Variants in DNAJB1 observed in about 807,000 individuals in gnomAD.
The protein encoded by DNAJB1 is dnaJ homolog subfamily B member 1.
DNAJB1 carries 14 observed loss-of-function variants against 24.0 expected under a neutral mutation model. The ratio of observed to expected loss-of-function variants is 0.58; its 90% CI spans 0.39 to 0.91. The LOEUF (loss-of-function observed/expected upper bound fraction) is 0.91, where lower values mean the gene tolerates loss of function less well. DNAJB1 is among the 40% of genes least tolerant of loss of function. The probability of loss-of-function intolerance (pLI) is 0.00; values close to 1 mark genes in which losing one functional copy is unlikely to be tolerated. For missense variants in DNAJB1, 517 were observed against 458.1 expected, an observed-to-expected ratio of 1.13 and a Z score of -1.17; for synonymous variants, 262 against 174.4, an observed-to-expected ratio of 1.50 and a Z score of -3.96.
upstream of DNAJB1, chr19:14,529,809 G>T: frequency 6.4e-7 from 1 of 1,570,644 alleles, no homozygotes; most frequent in Non-Finnish European, 8.7e-7. Context: ...CCTGTGCCCC[G>T]AAGGAAGAGC....
intron 1 of DNAJB1, 61 bp downstream of exon 1, chr19:14,518,078 C>A (rs1450754152): frequency 7.3e-7 from 1 of 1,371,490 alleles, no homozygotes; most frequent in Non-Finnish European, 9.4e-7. Flanking sequence ...GAGGGGCCAG[C>A]GTGCCTCAGT....
chr19:14,527,165 CTTTTTTTTTTTTTTT>C (rs369143149), intron 2 of DNAJB1, among the ~76,000 whole-genome samples: 740 of 41,348 alleles, frequency 0.018, 17 homozygotes, highest in Middle Eastern at 0.14. Context: ...AATATCTCTG[CTTTTTTTTTTTTTTT>C]TTTTTTTTTT....
upstream of DNAJB1, chr19:14,531,278 T>C (rs938843075): frequency 6.6e-6 from 1 of 151,778 alleles, no homozygotes; most frequent in Non-Finnish European, 1.5e-5. Flanking sequence ...CTCAAGTGAT[T>C]TGCCCTCCTC....
intron 2 of DNAJB1, among the ~76,000 whole-genome samples, chr19:14,523,557 C>T (rs2072385745): frequency 6.6e-6 from 1 of 151,668 alleles, no homozygotes; most frequent in Non-Finnish European, 1.5e-5. Context: ...CATGATCCAC[C>T]CACCTTGGCC....
chr19:14,549,202 T>G (rs992841604), intron 1 of DNAJB1, among the ~76,000 whole-genome samples: 4 of 150,666 alleles, frequency 2.7e-5, no homozygotes, highest in African/African-American at 9.8e-5. Flanking sequence ...TCCACAACCT[T>G]TAATTGGACT....
rs774494870 is a variant in DNAJB1, at chr19:14,515,955, C to T, written c.1008G>A (p.Gln336=). 2.5e-5 allele frequency: 41 copies of T among 1,608,554 alleles called. No individual in the cohort carries two copies. The highest frequency in any genetic ancestry group is 3.6e-4 in the Middle Eastern group (2 of 5,576). The change falls in exon 3 of 3, where the codon CAG becomes CAA. Residue 336 remains glutamine (Q), a synonymous_variant. Transcript: ENST00000254322. ...IPQTSRTVLE[Q]VLPI ...GCTCAGATAGCTATATTGGAAGAACCTGCTCAAGTACGGTTCTTGATGTCT... is the reference window on the plus strand; with the variant it reads ...GCTCAGATAGCTATATTGGAAGAACTTGCTCAAGTACGGTTCTTGATGTCT...
Position 14,543,298 on chromosome 19 carries a change from G to C in DNAJB1, c.-214+6910C>G, listed in dbSNP as rs562220888. Among the ~76,000 whole-genome samples the C allele has an allele frequency of 5.6e-4, 68 of 121,960 alleles. 2 individuals carry two copies. The East Asian group carries it at 0.013, about 23-fold the overall frequency. The allele number at this position is 121,960 out of a possible 152,430, so 80.0% of individuals were successfully genotyped here. ...GTTGGAGGATTGCAGAGGGTGGGGT[G>C]GGGGTGTGTGTGTGTGCAGATACTG... On this transcript the variant is annotated intron_variant, in intron 1 of 3. Transcript: ENST00000676982.
upstream of DNAJB1, among the ~76,000 whole-genome samples, chr19:14,551,971 C>CTT (rs1350015805): frequency 1.1e-5 from 1 of 87,852 alleles, no homozygotes; most frequent in African/African-American, 4.6e-5. Flanking sequence ...CTCTCTCTCT[C>CTT]TTTCTCTCTT....
intron 1 of DNAJB1, among the ~76,000 whole-genome samples, chr19:14,539,195 C>T (rs1007632338): frequency 2.3e-5 from 3 of 130,684 alleles, no homozygotes; most frequent in Non-Finnish European, 3.1e-5. Flanking sequence ...GAAGTTTTAC[C>T]GTGTTAGCCA....
rs971277427 is a variant in DNAJB1 at position 14,515,082 on chromosome 19, A to G, written c.*858T>C. 5 of 152,610 alleles carry G rather than the reference A, an allele frequency of 3.3e-5. No individual in the cohort carries two copies. The highest frequency in any genetic ancestry group is 1.2e-4 in the African/African-American group (5 of 41,454). The allele number at this position is 152,610 out of a possible 1,614,324, so 9.5% of individuals were successfully genotyped here. A position where few individuals can be genotyped will look rare whatever the true frequency, so the allele number is the denominator to read the frequency against. Reference sequence around the variant, plus strand: ...ATCAGAAGCAAAGACCCTTTTATCAAAAGGGATTGTATCTAGGGCTGTGCA... The same window carrying G: ...ATCAGAAGCAAAGACCCTTTTATCAGAAGGGATTGTATCTAGGGCTGTGCA... On this transcript the variant is annotated 3_prime_UTR_variant, in exon 3 of 3. Transcript: ENST00000254322.
chr19:14,556,758 T>C (rs1187131834), intron 1 of DNAJB1, among the ~76,000 whole-genome samples: 1 of 152,190 alleles, frequency 6.6e-6, no homozygotes, highest in Non-Finnish European at 1.5e-5. Flanking sequence ...ACATCGGCTT[T>C]GGGACTGTTC....
chr19:14,549,567 T>C (rs1431518257), intron 1 of DNAJB1, among the ~76,000 whole-genome samples: 1 of 151,988 alleles, frequency 6.6e-6, no homozygotes, highest in Non-Finnish European at 1.5e-5. Flanking sequence ...GCTCAAGTGA[T>C]CCTCCTGCCC....
chr19:14,539,058 C>G (rs571418818), intron 1 of DNAJB1, among the ~76,000 whole-genome samples: 32 of 150,984 alleles, frequency 2.1e-4, no homozygotes, highest in African/African-American at 7.8e-4. Flanking sequence ...ACTGCAATCT[C>G]CGCCTCCCGG....
upstream of DNAJB1, chr19:14,531,207 T>G (rs2072641356): frequency 6.6e-6 from 1 of 151,628 alleles, no homozygotes. Flanking sequence ...GCTAATTTTT[T>G]GTATTTTTAG....
At chr19:14,518,835 C>G (rs978398824), upstream of DNAJB1, among the ~76,000 whole-genome samples, 5 of 152,382 alleles carry the variant, frequency 3.3e-5, no homozygotes, top group African/African-American at 1.2e-4. Flanking sequence ...TCGCCCTTGT[C>G]TCGTGGGGCC....
chr19:14,515,898 C>G lies in DNAJB1; in HGVS notation c.*42G>C. 5 of 1,584,286 alleles carry G rather than the reference C, an allele frequency of 3.2e-6. No individual in the cohort carries two copies. The highest frequency in any genetic ancestry group is 2.6e-6 in the Non-Finnish European group (3 of 1,163,966). On this transcript the variant is annotated 3_prime_UTR_variant, in exon 3 of 3. Transcript: ENST00000254322. ...GTAGAAAGGTCCAGAAATCCTTGAG[C>G]TCTGGAAAGGTCCCTGGTCAGTCCT...
upstream of DNAJB1, chr19:14,529,634 T>C (rs770235598): frequency 1.2e-6 from 2 of 1,613,064 alleles, no homozygotes; most frequent in East Asian, 4.5e-5. Flanking sequence ...GTAGGGAGCC[T>C]GTGCTGTGCC....
chr19:14,537,849 G>T (rs562258478), intron 1 of DNAJB1, among the ~76,000 whole-genome samples: 76 of 151,226 alleles, frequency 5.0e-4, no homozygotes, highest in African/African-American at 1.7e-3. Flanking sequence ...GGGTTCAGGC[G>T]ATTCTCCTGC....
At chr19:14,517,267 T>C (rs1277496151) in intron 1 of DNAJB1, 5 of 543,072 alleles carry the variant, frequency 9.2e-6, no homozygotes, top group East Asian at 3.1e-5. Context: ...AAAGGACTCA[T>C]GCGGTTAGGT....
Sources: gnomAD v4.1 joint callset for allele counts (sites outside exome capture counted in the v4.1 genomes callset) on GRCh38, gnomAD v4.1.1 for gene constraint, MANE v1.5 for transcripts, NCBI Gene and HGNC (gene_info 2026-07-23, HGNC 2026-07-21) for gene names.